The following DIAPH2 variants were observed in gnomAD, a reference collection of about 807,000 sequenced individuals.
DIAPH2 encodes diaphanous related formin 2.
A neutral mutation model predicts 92.7 loss-of-function variants in DIAPH2; 35 were observed. The ratio of observed to expected loss-of-function variants is 0.38; its 90% CI spans 0.29 to 0.50. The LOEUF is 0.50. Among genes scored for constraint, DIAPH2 ranks in the 20% least tolerant of loss-of-function variants. The pLI is 0.94. For synonymous variants in DIAPH2, 301 were observed against 280.4 expected (o/e 1.07, Z -0.73); for missense variants, 701 against 819.5 (o/e 0.86, Z 1.77).
At chrX:96,826,214 C>T (rs745335769) in intron 4 of DIAPH2, among the ~76,000 whole-genome samples, 2 of 110,109 alleles carry the variant, frequency 1.8e-5, no homozygotes, top group Non-Finnish European at 3.8e-5. Flanking sequence ...GACAGGAATT[C>T]GAGACCAGCC....
intron 26 of DIAPH2, among the ~76,000 whole-genome samples, chrX:97,430,172 G>A (rs1341030674): frequency 8.9e-6 from 1 of 111,854 alleles, no homozygotes; most frequent in Admixed American, 9.6e-5. Context: ...GTTTTGCAGT[G>A]CAGTCTGTTC....
chrX:97,257,214 CAT>C (rs2068245060), intron 23 of DIAPH2, among the ~76,000 whole-genome samples: 1 of 111,255 alleles, frequency 9.0e-6, no homozygotes, highest in Non-Finnish European at 1.9e-5. Flanking sequence ...CCTAGTAAGA[CAT>C]ATATTTATAG....
rs766713024 is a variant in DIAPH2 at position 97,376,861 on chromosome X, C to T, written c.3010-7048C>T. 3.6e-5 allele frequency among the ~76,000 whole-genome samples: 4 copies of T among 112,119 alleles called. No individual in the cohort carries two copies. The South Asian group carries it at 1.1e-3, about 31-fold the overall frequency. On this transcript the variant is annotated intron_variant, in intron 24 of 26. Transcript: ENST00000324765. ...GTTGTTCGTCGACTACAAACCTGTA[C>T]GGCATGTTACTGTACAGAATACAGT...
chrX:97,074,551 T>C (rs2066692226), intron 18 of DIAPH2, among the ~76,000 whole-genome samples: 1 of 112,588 alleles, frequency 8.9e-6, no homozygotes. Flanking sequence ...TTTGCTGAAT[T>C]ATTCCAATAT....
intron 26 of DIAPH2, among the ~76,000 whole-genome samples, chrX:97,487,359 C>T (rs1455042392): frequency 1.8e-5 from 2 of 111,194 alleles, no homozygotes; most frequent in African/African-American, 6.5e-5. Context: ...ACTGTAACCT[C>T]CACCTCCTGA....
chrX:97,111,904 C>T (rs757240696), intron 20 of DIAPH2, among the ~76,000 whole-genome samples: 4 of 112,074 alleles, frequency 3.6e-5, no homozygotes, highest in South Asian at 7.4e-4. Context: ...TAACGATAAC[C>T]GTTTCCTAGG....
At chrX:97,320,714 C>CAA (rs146316009) in intron 23 of DIAPH2, among the ~76,000 whole-genome samples, 9 of 40,117 alleles carry the variant, frequency 2.2e-4, no homozygotes, top group African/African-American at 5.6e-4. Context: ...GACTCCGTCT[C>CAA]AAAAAAAAAA....
intron 26 of DIAPH2, among the ~76,000 whole-genome samples, chrX:97,522,692 T>G (rs2070999183): frequency 8.9e-6 from 1 of 112,962 alleles, no homozygotes; most frequent in Admixed American, 9.3e-5. Context: ...ACCCTCATTT[T>G]TTTTTGTCCT....
At chrX:97,220,213 G>C (rs1172699414) in intron 22 of DIAPH2, among the ~76,000 whole-genome samples, 3 of 110,309 alleles carry the variant, frequency 2.7e-5, no homozygotes, top group African/African-American at 9.9e-5. Context: ...GTTCAGGCCT[G>C]ACTCCTAGGA....
At chrX:97,192,423 T>C (rs1450141407) in intron 22 of DIAPH2, among the ~76,000 whole-genome samples, 4 of 111,093 alleles carry the variant, frequency 3.6e-5, no homozygotes, top group Admixed American at 9.6e-5. Context: ...TCCGTGCATA[T>C]ACCTATTTTG....
chrX:96,815,388 C>T (rs773663972), intron 4 of DIAPH2, among the ~76,000 whole-genome samples: 1 of 111,608 alleles, frequency 9.0e-6, no homozygotes, highest in South Asian at 3.8e-4. Context: ...TGGGAAAGCA[C>T]AGTATTTGGG....
At chrX:97,075,085 T>A (rs762978364) in intron 18 of DIAPH2, 82 bp from the exon 19 acceptor site, 1 of 600,584 alleles carries the variant, frequency 1.7e-6, no homozygotes, top group Non-Finnish European at 2.6e-6. Flanking sequence ...ATTTTGAGTC[T>A]ATGAAATGAA....
intron 22 of DIAPH2, among the ~76,000 whole-genome samples, chrX:97,233,123 C>A (rs975126877): frequency 8.9e-6 from 1 of 112,316 alleles, no homozygotes; most frequent in Non-Finnish European, 1.9e-5. Flanking sequence ...GTTCCCCTCA[C>A]TTCCTTGTTT....
At chrX:97,280,465 C>T (rs1040437402) in intron 23 of DIAPH2, among the ~76,000 whole-genome samples, 1 of 110,355 alleles carries the variant, frequency 9.1e-6, no homozygotes, top group South Asian at 3.9e-4. Flanking sequence ...AGCGAGTCTC[C>T]GTCTCAAAAT....
chrX:96,857,885 CTTG>C (rs750554507), intron 4 of DIAPH2, among the ~76,000 whole-genome samples: 12 of 112,477 alleles, frequency 1.1e-4, no homozygotes, highest in African/African-American at 2.9e-4. Context: ...TAAGTTACAA[CTTG>C]TTGTATAATG....
rs1342823527 is a variant in DIAPH2, at chrX:97,172,870, C to T, written c.2719+31076C>T. Among the ~76,000 whole-genome samples, 8 of 112,003 alleles carry T rather than the reference C, an allele frequency of 7.1e-5. No individual in the cohort carries two copies. The East Asian group carries it at 2.3e-3, about 32-fold the overall frequency. On this transcript the variant is annotated intron_variant, in intron 22 of 26. Transcript: ENST00000324765. ...TACTCTAGGTGAACTGAATTACCTT[C>T]CGTTCACTATGCCCAGAATACAGTT...
rs181817203 is a variant in DIAPH2 at position 96,691,141 on chromosome X, A to T, written c.132+5951A>T. ...AATAACAGCATACATAATATATGCT[A>T]ATTTATATAAATCAGCACATCTGGT... On this transcript the variant is annotated intron_variant, in intron 1 of 26. Coordinates refer to ENST00000324765, the MANE Select transcript of DIAPH2 (RefSeq NM_006729.5). Among the ~76,000 whole-genome samples, 59 of 111,770 alleles carry T rather than the reference A, an allele frequency of 5.3e-4. 1 individual carries two copies. Among genetic ancestry groups the T allele is most frequent in the East Asian group, 2.8e-3 (10 of 3,567 alleles).
chrX:97,234,614 C>A (rs1049711842), intron 22 of DIAPH2, among the ~76,000 whole-genome samples: 2 of 111,956 alleles, frequency 1.8e-5, no homozygotes, highest in Non-Finnish European at 3.8e-5. Context: ...CAGCCATAGG[C>A]AATATGTAAA....
intron 26 of DIAPH2, among the ~76,000 whole-genome samples, chrX:97,544,438 C>T (rs1311497811): frequency 8.9e-6 from 1 of 111,832 alleles, no homozygotes; most frequent in African/African-American, 3.3e-5. Flanking sequence ...TTAGCAGCCT[C>T]TTTTTAGTTT....
Sources: gnomAD v4.1 joint callset for allele counts (sites outside exome capture counted in the v4.1 genomes callset) on GRCh38, gnomAD v4.1.1 for gene constraint, MANE v1.5 for transcripts, NCBI Gene and HGNC (gene_info 2026-07-23, HGNC 2026-07-21) for gene names.